The following SCAPER variants were observed in gnomAD, a reference collection of about 807,000 sequenced individuals.
The protein encoded by SCAPER is S phase cyclin A-associated protein in the endoplasmic reticulum.
In SCAPER, 98 loss-of-function variants were observed where a neutral mutation model predicts 182.2. The observed-to-expected ratio is 0.54, with a 90% confidence interval of 0.46 to 0.64. The LOEUF (loss-of-function observed/expected upper bound fraction) is 0.64, where lower values mean the gene tolerates loss of function less well. Ranked by LOEUF, SCAPER falls within the 30% of genes least tolerant of loss-of-function variation. The pLI, the probability that SCAPER is intolerant of heterozygous loss-of-function variation, is 0.00. For missense variants in SCAPER, 1,432 were observed against 1,690.0 expected (o/e 0.85, Z 2.68); for synonymous variants, 605 against 564.6 (o/e 1.07, Z -1.01).
rs576442700 is a variant in SCAPER at position 76,369,108 on chromosome 15, C to G, written c.3855+7054G>C. Among the ~76,000 whole-genome samples, 6 of 152,270 alleles carry G rather than the reference C, an allele frequency of 3.9e-5. No homozygotes were observed. The South Asian group carries it at 1.0e-3, about 26-fold the overall frequency. On this transcript the variant is annotated intron_variant, in intron 29 of 31. Coordinates refer to ENST00000563290, the MANE Select transcript of SCAPER (RefSeq NM_020843.4). ...TCTCTTCTCAAGTCATCCTTGGTAT[C>G]AAGGGGCTCAGTCTTTCCAGTTAAT...
chr15:76,374,637 ATG>A (rs2042412563), intron 29 of SCAPER, among the ~76,000 whole-genome samples: 1 of 151,276 alleles, frequency 6.6e-6, no homozygotes, highest in African/African-American at 2.4e-5. Flanking sequence ...ATGCGCCACC[ATG>A]CCCGGTTAAT....
At chr15:76,564,351 C>T (rs770368077) in intron 23 of SCAPER, among the ~76,000 whole-genome samples, 4 of 152,066 alleles carry the variant, frequency 2.6e-5, no homozygotes, top group Non-Finnish European at 5.9e-5. Flanking sequence ...AAATCACTAG[C>T]ATTCCTACAC....
At chr15:76,531,637 G>A (rs2043671937) in intron 23 of SCAPER, among the ~76,000 whole-genome samples, 1 of 151,162 alleles carries the variant, frequency 6.6e-6, no homozygotes, top group East Asian at 1.9e-4. Flanking sequence ...AGGATTAAAT[G>A]TGTAAATATA....
chr15:76,693,424 G>A lies in SCAPER; in HGVS notation c.2508+8334C>T, dbSNP rs184925200. On this transcript the variant is annotated intron_variant, in intron 20 of 31. Coordinates refer to ENST00000563290, the MANE Select transcript of SCAPER (RefSeq NM_020843.4). ...CCTCATTAGCTGTGGAAAATTGTAG[G>A]GCATTCCTCAAAAAATTAAACACAG... Among the ~76,000 whole-genome samples, 367 of 152,122 alleles carry A rather than the reference G, an allele frequency of 2.4e-3. 2 individuals carry two copies. The highest frequency in any genetic ancestry group is 8.4e-3 in the African/African-American group (349 of 41,496).
chr15:76,903,959 A>T (rs1030985333), intron 1 of SCAPER, among the ~76,000 whole-genome samples: 8 of 152,262 alleles, frequency 5.3e-5, no homozygotes, highest in Admixed American at 1.3e-4. Flanking sequence ...CTTCAAAGCC[A>T]TCAGATTACT....
At chr15:76,796,043 AGAGT>A (rs1315959371) in intron 7 of SCAPER, among the ~76,000 whole-genome samples, 1 of 152,226 alleles carries the variant, frequency 6.6e-6, no homozygotes, top group Non-Finnish European at 1.5e-5. Context: ...CCTGGGTGAC[AGAGT>A]GAGACTCCAT....
chr15:76,750,604 CAT>C (rs995019625), intron 15 of SCAPER, among the ~76,000 whole-genome samples: 1 of 151,774 alleles, frequency 6.6e-6, no homozygotes, highest in Non-Finnish European at 1.5e-5. Context: ...AATGGTACAA[CAT>C]ATGAAAACTG....
intron 1 of SCAPER, among the ~76,000 whole-genome samples, chr15:76,886,877 A>T (rs1278056206): frequency 6.6e-6 from 1 of 152,240 alleles, no homozygotes; most frequent in African/African-American, 2.4e-5. Flanking sequence ...AGAGGCCATC[A>T]TCCTTAGCAA....
chr15:76,703,023 C>A, intron 18 of SCAPER, 21 bp from the exon 19 acceptor site: 5 of 1,502,250 alleles, frequency 3.3e-6, no homozygotes, highest in Non-Finnish European at 4.4e-6. Flanking sequence ...AGTCAAAGTG[C>A]AAGAATTTCA....
intron 26 of SCAPER, among the ~76,000 whole-genome samples, chr15:76,424,246 G>A (rs2046258725): frequency 6.6e-6 from 1 of 152,074 alleles, no homozygotes; most frequent in African/African-American, 2.4e-5. Context: ...TTATTGTGTG[G>A]GAGTCTAAGT....
chr15:76,560,162 G>GGTGT (rs1367885306), intron 23 of SCAPER, among the ~76,000 whole-genome samples: 3 of 151,958 alleles, frequency 2.0e-5, no homozygotes, highest in Admixed American at 6.6e-5. Context: ...GATAGCATTG[G>GGTGT]GTGTGGGTCC....
chr15:76,652,375 T>TAG (rs1597945060), intron 21 of SCAPER, among the ~76,000 whole-genome samples: 1 of 47,040 alleles, frequency 2.1e-5, no homozygotes, highest in East Asian at 6.0e-4. Context: ...CACACACATA[T>TAG]ATATATATAT....
chr15:76,751,804 C>T (rs891006217), intron 15 of SCAPER, among the ~76,000 whole-genome samples: 4 of 151,440 alleles, frequency 2.6e-5, no homozygotes, highest in Admixed American at 2.0e-4. Flanking sequence ...CAAAGTGTCA[C>T]GACACTAGAT....
intron 2 of SCAPER, among the ~76,000 whole-genome samples, chr15:76,868,082 T>C (rs1646386877): frequency 6.6e-6 from 1 of 152,186 alleles, no homozygotes; most frequent in South Asian, 2.1e-4. Context: ...AAAGGTCACA[T>C]GCTGAATACC....
chr15:76,777,701 G>GTAAA (rs578047410), intron 8 of SCAPER, among the ~76,000 whole-genome samples: 4 of 151,860 alleles, frequency 2.6e-5, no homozygotes, highest in Admixed American at 6.6e-5. Flanking sequence ...TCTCAAAAAA[G>GTAAA]TAAATAAATA....
intron 29 of SCAPER, among the ~76,000 whole-genome samples, chr15:76,360,006 G>C (rs1054690071): frequency 6.6e-6 from 1 of 152,166 alleles, no homozygotes; most frequent in Non-Finnish European, 1.5e-5. Flanking sequence ...CATCACCTTA[G>C]GTCTGCACAT....
intron 25 of SCAPER, among the ~76,000 whole-genome samples, chr15:76,464,579 C>A (rs1230147336): frequency 6.6e-6 from 1 of 151,964 alleles, no homozygotes; most frequent in African/African-American, 2.4e-5. Context: ...CATAAATAGA[C>A]CTATGCAGTT....
intron 25 of SCAPER, among the ~76,000 whole-genome samples, chr15:76,447,086 G>A (rs2048052195): frequency 6.6e-6 from 1 of 152,140 alleles, no homozygotes; most frequent in Admixed American, 6.5e-5. Flanking sequence ...AAGGGCTGAA[G>A]GTTAAGCTGA....
At chr15:76,608,490 C>A (rs2050668231) in intron 22 of SCAPER, among the ~76,000 whole-genome samples, 1 of 152,156 alleles carries the variant, frequency 6.6e-6, no homozygotes, top group South Asian at 2.1e-4. Flanking sequence ...AGGCAGTCTG[C>A]CCGTTCTCAG....
Sources: gnomAD v4.1 joint callset for allele counts (sites outside exome capture counted in the v4.1 genomes callset) on GRCh38, gnomAD v4.1.1 for gene constraint, MANE v1.5 for transcripts, NCBI Gene and HGNC (gene_info 2026-07-23, HGNC 2026-07-21) for gene names.